Variants in ROBO2 observed in about 807,000 individuals in gnomAD.
ROBO2 encodes roundabout homolog 2.
ROBO2 carries 53 observed loss-of-function variants against 160.8 expected under a neutral mutation model. The ratio of observed to expected loss-of-function variants is 0.33; its 90% CI spans 0.26 to 0.41. The LOEUF (loss-of-function observed/expected upper bound fraction) is 0.41, where lower values mean the gene tolerates loss of function less well. Among genes scored for constraint, ROBO2 ranks in the 10% least tolerant of loss-of-function variants. ROBO2 has a pLI of 1.00. For missense variants in ROBO2, 1,577 were observed against 1,722.4 expected, an observed-to-expected ratio of 0.92 and a Z score of 1.49; for synonymous variants, 664 against 611.7, an observed-to-expected ratio of 1.09 and a Z score of -1.26.
rs547407669 is a variant in ROBO2 at position 76,412,687 on chromosome 3, G to A, written c.109+475085G>A. 9.2e-5 allele frequency among the ~76,000 whole-genome samples: 14 copies of A among 152,310 alleles called. No individual in the cohort carries two copies. The South Asian group carries it at 2.7e-3, about 29-fold the overall frequency. On this transcript the variant is annotated intron_variant, in intron 2 of 26. Transcript: ENST00000487694. ...ACTCTAGGTCATGCTGATGGAAGCGGTGGATTCCCATGGTCTTGCACAGCT... is the reference window on the plus strand; with the variant it reads ...ACTCTAGGTCATGCTGATGGAAGCGATGGATTCCCATGGTCTTGCACAGCT...
chr3:76,969,471 A>G (rs2059465281), intron 2 of ROBO2, among the ~76,000 whole-genome samples: 1 of 152,208 alleles, frequency 6.6e-6, no homozygotes. Flanking sequence ...AATGTGATGT[A>G]CTCTGTCTGT....
At chr3:77,601,482 T>C (rs1388130428) in intron 19 of ROBO2, among the ~76,000 whole-genome samples, 1 of 152,186 alleles carries the variant, frequency 6.6e-6, no homozygotes, top group African/African-American at 2.4e-5. Context: ...CTGATTGATA[T>C]TCAGTGTTGC....
intron 2 of ROBO2, among the ~76,000 whole-genome samples, chr3:77,187,855 G>A (rs932037851): frequency 6.6e-6 from 1 of 151,860 alleles, no homozygotes; most frequent in Non-Finnish European, 1.5e-5. Context: ...GAAATAAGTA[G>A]CAGAAAATGA....
intron 2 of ROBO2, among the ~76,000 whole-genome samples, chr3:77,141,084 A>G (rs1317199315): frequency 6.6e-6 from 1 of 152,242 alleles, no homozygotes; most frequent in Non-Finnish European, 1.5e-5. Flanking sequence ...GTGATAATTT[A>G]GGATTACAAA....
chr3:76,952,356 C>T (rs1276901718), intron 2 of ROBO2, among the ~76,000 whole-genome samples: 1 of 152,080 alleles, frequency 6.6e-6, no homozygotes, highest in Non-Finnish European at 1.5e-5. Flanking sequence ...GATCTTGGCT[C>T]ACCACAACCT....
At chr3:76,444,644 C>G (rs942749509) in intron 2 of ROBO2, among the ~76,000 whole-genome samples, 1 of 152,140 alleles carries the variant, frequency 6.6e-6, no homozygotes, top group Admixed American at 6.6e-5. Flanking sequence ...CATGGGGGAA[C>G]CACCTCCATG....
At chr3:76,641,972 A>T (rs146518643) in intron 2 of ROBO2, among the ~76,000 whole-genome samples, 2,096 of 152,222 alleles carry the variant, frequency 0.014, 14 homozygotes, top group Middle Eastern at 0.034. Context: ...CTCCTGCCTC[A>T]GCCTCCCAAA....
chr3:77,187,455 G>T (rs1378540106), intron 2 of ROBO2, among the ~76,000 whole-genome samples: 1 of 151,894 alleles, frequency 6.6e-6, no homozygotes, highest in Non-Finnish European at 1.5e-5. Context: ...TGTCAAAACA[G>T]TAAAATATCC....
At chr3:77,638,603 C>A (rs2095301866) in intron 24 of ROBO2, among the ~76,000 whole-genome samples, 1 of 152,038 alleles carries the variant, frequency 6.6e-6, no homozygotes, top group Admixed American at 6.6e-5. Flanking sequence ...ACTGAAAAAC[C>A]CACACACATC....
At chr3:76,064,136 G>T (rs1397645638) in intron 2 of ROBO2, among the ~76,000 whole-genome samples, 1 of 152,142 alleles carries the variant, frequency 6.6e-6, no homozygotes, top group Non-Finnish European at 1.5e-5. Context: ...ATTGCAGACT[G>T]GTCGACACCT....
chr3:76,170,376 G>A (rs544458611), intron 2 of ROBO2, among the ~76,000 whole-genome samples: 89 of 152,054 alleles, frequency 5.9e-4, no homozygotes, highest in Non-Finnish European at 8.1e-4. Flanking sequence ...AACTTTTTAC[G>A]TGCAGCTACA....
At chr3:77,142,820 C>T (rs191144258) in intron 2 of ROBO2, among the ~76,000 whole-genome samples, 1 of 152,220 alleles carries the variant, frequency 6.6e-6, no homozygotes, top group East Asian at 1.9e-4. Context: ...CCAGGCTAGG[C>T]ATGTGCACAT....
intron 2 of ROBO2, among the ~76,000 whole-genome samples, chr3:76,296,871 G>A (rs1236407354): frequency 6.6e-6 from 1 of 152,158 alleles, no homozygotes; most frequent in Non-Finnish European, 1.5e-5. Flanking sequence ...AGGAAAAAGA[G>A]GAGGTTCAAA....
rs148864056 is a variant in ROBO2, at chr3:76,768,871, T to A, written c.110-329143T>A. ...TTTTCATTGGCTAAACAAATCTATA[T>A]ATCTTGGTCAGATGAAGAAAATTGT... On this transcript the variant is annotated intron_variant, in intron 2 of 26. Transcript: ENST00000487694. 3.3e-5 allele frequency among the ~76,000 whole-genome samples: 5 copies of A among 151,508 alleles called. No homozygotes were observed. The East Asian group carries it at 9.8e-4, about 30-fold the overall frequency.
At chr3:76,119,920 T>TTCCTTCCTCCCTCCCTCCCTC (rs1559566729) in intron 2 of ROBO2, among the ~76,000 whole-genome samples, 1 of 28,492 alleles carries the variant, frequency 3.5e-5, no homozygotes, top group African/African-American at 1.0e-4. Context: ...CTCCCTCCCT[T>TTCCTTCCTCCCTCCCTCCCTC]CCTTCCTTCC....
At chr3:76,790,386 A>C (rs116707491) in intron 2 of ROBO2, among the ~76,000 whole-genome samples, 3,326 of 151,818 alleles carry the variant, frequency 0.022, 52 homozygotes, top group Non-Finnish European at 0.037. Flanking sequence ...GTGTGGAACA[A>C]TACAGTTTCA....
At chr3:76,839,615 C>T (rs1019917122) in intron 2 of ROBO2, among the ~76,000 whole-genome samples, 4 of 152,098 alleles carry the variant, frequency 2.6e-5, no homozygotes, top group Admixed American at 6.5e-5. Flanking sequence ...GAGATATTGG[C>T]CTGCAGTTTT....
intron 2 of ROBO2, among the ~76,000 whole-genome samples, chr3:76,544,528 T>C (rs373865181): frequency 7.2e-5 from 11 of 152,202 alleles, no homozygotes; most frequent in Admixed American, 5.2e-4. Flanking sequence ...TATTCCATTT[T>C]TCTGCATCTA....
intron 20 of ROBO2, among the ~76,000 whole-genome samples, chr3:77,607,136 A>G (rs772476617): frequency 6.6e-6 from 1 of 152,188 alleles, no homozygotes; most frequent in African/African-American, 2.4e-5. Context: ...ACTGAAACTG[A>G]TTACTGTATT....
Sources: gnomAD v4.1 joint callset for allele counts (sites outside exome capture counted in the v4.1 genomes callset) on GRCh38, gnomAD v4.1.1 for gene constraint, MANE v1.5 for transcripts, NCBI Gene and HGNC (gene_info 2026-07-23, HGNC 2026-07-21) for gene names.